EXOC4: variants seen among roughly 807,000 people sequenced by gnomAD.
EXOC4 encodes the protein SEC8-like 1.
EXOC4 carries 71 observed loss-of-function variants against 107.2 expected under a neutral mutation model. That is an observed-to-expected ratio of 0.66 (90% CI 0.55 to 0.81). The LOEUF is 0.81. Among genes scored for constraint, EXOC4 ranks in the 30% least tolerant of loss-of-function variants. The probability of loss-of-function intolerance (pLI) is 0.00; values close to 1 mark genes in which losing one functional copy is unlikely to be tolerated. For missense variants in EXOC4, 1,108 were observed against 1,189.6 expected (o/e 0.93, Z 1.01); for synonymous variants, 456 against 441.2 (o/e 1.03, Z -0.42).
At chr7:133,473,061 A>G (rs1278580227) in intron 7 of EXOC4, among the ~76,000 whole-genome samples, 2 of 152,324 alleles carry the variant, frequency 1.3e-5, no homozygotes, top group African/African-American at 4.8e-5. Context: ...GAGTGAAACA[A>G]TGCATTTATA....
intron 9 of EXOC4, among the ~76,000 whole-genome samples, chr7:133,491,622 AGGCCAACTATATTCTGG>A (rs542054514): frequency 4.6e-4 from 70 of 152,302 alleles, no homozygotes; most frequent in African/African-American, 1.6e-3. Flanking sequence ...CAACATTTCT[AGGCCAACTATATTCTGG>A]GGCCTGTTCC....
At chr7:133,710,411 A>G (rs553335970) in intron 10 of EXOC4, among the ~76,000 whole-genome samples, 230 of 152,248 alleles carry the variant, frequency 1.5e-3, no homozygotes, top group African/African-American at 5.4e-3. Flanking sequence ...CTGTAATCCC[A>G]ACACTTTGGG....
chr7:133,286,073 ATTAT>A (rs1348665798), intron 2 of EXOC4, among the ~76,000 whole-genome samples: 1 of 152,150 alleles, frequency 6.6e-6, no homozygotes, highest in African/African-American at 2.4e-5. Flanking sequence ...TTTTAAAAAA[ATTAT>A]TTAATTATTT....
chr7:133,913,543 C>T (rs1376052274), intron 12 of EXOC4, among the ~76,000 whole-genome samples: 2 of 152,078 alleles, frequency 1.3e-5, no homozygotes, highest in Non-Finnish European at 2.9e-5. Flanking sequence ...ATAGAATTGG[C>T]AGGATGTGGT....
At chr7:133,583,591 A>C (rs996341603) in intron 9 of EXOC4, among the ~76,000 whole-genome samples, 1 of 152,222 alleles carries the variant, frequency 6.6e-6, no homozygotes. Context: ...ATTATCATAT[A>C]TGAAGCTTCT....
chr7:133,738,210 G>A (rs7784822), intron 10 of EXOC4, among the ~76,000 whole-genome samples: 131,666 of 151,882 alleles, frequency 0.87, 57,648 homozygotes, highest in East Asian at 0.99. Context: ...CCAGTGCCGA[G>A]CCCTGCTTGA....
chr7:133,509,085 C>T (rs1380089066), intron 9 of EXOC4, among the ~76,000 whole-genome samples: 1 of 152,086 alleles, frequency 6.6e-6, no homozygotes, highest in African/African-American at 2.4e-5. Context: ...GGCAGTGTTT[C>T]CAGTGATACA....
At chr7:133,438,430 T>G (rs1798025749) in intron 7 of EXOC4, among the ~76,000 whole-genome samples, 1 of 152,238 alleles carries the variant, frequency 6.6e-6, no homozygotes, top group Non-Finnish European at 1.5e-5. Context: ...TGCCCTATGT[T>G]CTTTCGATTT....
At chr7:133,679,533 C>CGTCT (rs1351825287) in intron 10 of EXOC4, among the ~76,000 whole-genome samples, 6 of 143,880 alleles carry the variant, frequency 4.2e-5, no homozygotes, top group Non-Finnish European at 7.5e-5. Flanking sequence ...CCCATCCATC[C>CGTCT]GTCCGTCCGT....
chr7:133,934,454 A>AT (rs1449635155), intron 13 of EXOC4, among the ~76,000 whole-genome samples: 1 of 152,100 alleles, frequency 6.6e-6, no homozygotes, highest in African/African-American at 2.4e-5. Flanking sequence ...TTCTCAGTCT[A>AT]TTGCTCTCCT....
chr7:133,574,325 A>C (rs1263153722), intron 9 of EXOC4, among the ~76,000 whole-genome samples: 2 of 152,232 alleles, frequency 1.3e-5, no homozygotes, highest in Admixed American at 6.5e-5. Flanking sequence ...ACATACACCA[A>C]AATGCACACA....
At chr7:133,911,905 T>C (rs1236565193) in intron 12 of EXOC4, among the ~76,000 whole-genome samples, 1 of 152,226 alleles carries the variant, frequency 6.6e-6, no homozygotes, top group Non-Finnish European at 1.5e-5. Context: ...TTTCTAGATA[T>C]GAGTGGTGAA....
chr7:134,070,155 G>A (rs932102052), downstream of EXOC4, among the ~76,000 whole-genome samples: 1 of 152,208 alleles, frequency 6.6e-6, no homozygotes, highest in South Asian at 2.1e-4. Context: ...AGGGTAATGA[G>A]GTACCACGAA....
chr7:133,693,731 C>A (rs1231504590), intron 10 of EXOC4, among the ~76,000 whole-genome samples: 3 of 151,860 alleles, frequency 2.0e-5, no homozygotes, highest in African/African-American at 7.3e-5. Flanking sequence ...TGTAGATAAA[C>A]CTAGCCTCCG....
intron 3 of EXOC4, among the ~76,000 whole-genome samples, chr7:133,305,266 A>G (rs1296366895): frequency 6.6e-6 from 1 of 152,264 alleles, no homozygotes; most frequent in Admixed American, 6.5e-5. Flanking sequence ...TTTGTCTTCC[A>G]GTCACCATTC....
At chr7:133,531,099 A>G (rs796891954) in intron 9 of EXOC4, among the ~76,000 whole-genome samples, 6 of 152,222 alleles carry the variant, frequency 3.9e-5, no homozygotes, top group African/African-American at 1.4e-4. Context: ...TCTGTAAGGA[A>G]TCCAAACTGT....
intron 7 of EXOC4, among the ~76,000 whole-genome samples, chr7:133,383,354 G>T (rs1056686747): frequency 3.3e-5 from 5 of 152,138 alleles, no homozygotes; most frequent in Admixed American, 3.3e-4. Flanking sequence ...GGCATGCTAA[G>T]CAGTGTCTAC....
At chr7:133,964,905 A>G (rs949949277) in intron 14 of EXOC4, among the ~76,000 whole-genome samples, 2 of 152,166 alleles carry the variant, frequency 1.3e-5, no homozygotes, top group Non-Finnish European at 2.9e-5. Context: ...GAATCGCCAC[A>G]CTGTCTTCCA....
chr7:134,029,081 C>T (rs1256186483), intron 17 of EXOC4, among the ~76,000 whole-genome samples: 1 of 152,198 alleles, frequency 6.6e-6, no homozygotes, highest in Non-Finnish European at 1.5e-5. Context: ...CTGACCCTGT[C>T]GAGGCCAAGA....
Sources: allele counts gnomAD v4.1 joint callset (sites outside exome capture counted in the v4.1 genomes callset), GRCh38; gene constraint gnomAD v4.1.1; transcripts MANE v1.5; gene names NCBI Gene and HGNC (gene_info 2026-07-23, HGNC 2026-07-21).